ZNF385D: variants seen among roughly 807,000 people sequenced by gnomAD.
ZNF385D encodes the protein zinc finger protein 385D.
ZNF385D carries 15 observed loss-of-function variants against 35.8 expected under a neutral mutation model. That is an observed-to-expected ratio of 0.42 (90% confidence interval 0.28 to 0.64). The LOEUF (loss-of-function observed/expected upper bound fraction) is 0.64. Among genes scored for constraint, ZNF385D ranks in the 30% least tolerant of loss-of-function variants. ZNF385D has a pLI of 0.23. For missense variants in ZNF385D, 474 were observed against 494.6 expected, an observed-to-expected ratio of 0.96 and a Z score of 0.39; for synonymous variants, 212 against 186.8, an observed-to-expected ratio of 1.13 and a Z score of -1.10.
chr3:22,338,433 C>G (rs7609981), intron 2 of ZNF385D, among the ~76,000 whole-genome samples: 43,595 of 151,908 alleles, frequency 0.29, 6,490 homozygotes, highest in African/African-American at 0.34. Flanking sequence ...ACCTATGTAG[C>G]TGTAGATTGC....
At chr3:21,690,336 G>A (rs1461373496) in intron 1 of ZNF385D, among the ~76,000 whole-genome samples, 2 of 152,084 alleles carry the variant, frequency 1.3e-5, no homozygotes, top group Non-Finnish European at 2.9e-5. Flanking sequence ...AAGCTATCTG[G>A]AATGCATATG....
At chr3:21,804,607 G>C (rs2072552780) in intron 3 of ZNF385D, among the ~76,000 whole-genome samples, 1 of 152,118 alleles carries the variant, frequency 6.6e-6, no homozygotes, top group Non-Finnish European at 1.5e-5. Context: ...AGAAAACAAG[G>C]GTTTGAATCC....
chr3:22,012,583 AAAC>A (rs1397235751), intron 3 of ZNF385D, among the ~76,000 whole-genome samples: 1 of 149,204 alleles, frequency 6.7e-6, no homozygotes, highest in African/African-American at 2.4e-5. Context: ...ACTGATAATA[AAAC>A]AAGCATTCAA....
At chr3:22,182,514 G>A (rs1394746329) in intron 2 of ZNF385D, among the ~76,000 whole-genome samples, 1 of 151,596 alleles carries the variant, frequency 6.6e-6, no homozygotes, top group Admixed American at 6.6e-5. Context: ...CACATTGCAG[G>A]GATCCACAAA....
intron 2 of ZNF385D, among the ~76,000 whole-genome samples, chr3:22,339,854 TA>T (rs1255195267): frequency 1.3e-5 from 2 of 152,152 alleles, no homozygotes; most frequent in Non-Finnish European, 1.5e-5. Context: ...ACATCCGCTT[TA>T]AAAAACTCTT....
At chr3:21,996,655 C>T (rs1695485469) in intron 3 of ZNF385D, among the ~76,000 whole-genome samples, 2 of 152,164 alleles carry the variant, frequency 1.3e-5, no homozygotes, top group South Asian at 4.1e-4. Flanking sequence ...GTTGTTCAGA[C>T]TTCAACTTAC....
At chr3:22,036,000 T>C (rs996871597) in intron 3 of ZNF385D, among the ~76,000 whole-genome samples, 1 of 151,974 alleles carries the variant, frequency 6.6e-6, no homozygotes, top group African/African-American at 2.4e-5. Flanking sequence ...AGAGTCAAAA[T>C]AAGACTTATG....
At chr3:22,149,707 A>G (rs1398640245) in intron 3 of ZNF385D, among the ~76,000 whole-genome samples, 1 of 152,132 alleles carries the variant, frequency 6.6e-6, no homozygotes, top group Non-Finnish European at 1.5e-5. Context: ...AGTTAATCCT[A>G]GAAGTTCTGT....
Position 22,306,342 on chromosome 3 carries a change from C to CT in ZNF385D, c.106+66107dup, listed in dbSNP as rs891241935. Among the ~76,000 whole-genome samples, 530 of 148,760 alleles carry CT rather than the reference C, an allele frequency of 3.6e-3. 3 individuals are homozygous for CT. The highest frequency in any genetic ancestry group is 0.012 in the African/African-American group (470 of 40,582). ...TCTCTGTCTTGTGGTTAAAAAAAGT[C>CT]TTTTTTTTTTCTTTCCCAGACCCTG... is the stretch of plus-strand genomic sequence containing the variant. On this transcript the variant is annotated intron_variant, in intron 2 of 5. Coordinates refer to the ZNF385D transcript ENST00000494108.
intron 5 of ZNF385D, among the ~76,000 whole-genome samples, chr3:21,434,751 A>AT (rs1324312846): frequency 6.6e-6 from 1 of 152,158 alleles, no homozygotes; most frequent in Non-Finnish European, 1.5e-5. Flanking sequence ...TAAAATGAGC[A>AT]TTAGGCCAGG....
Position 22,123,986 on chromosome 3 carries a change from A to ATATATATATATATATATATATATATG in ZNF385D, c.325+44830_325+44831insCATATATATATATATATATATATATA, listed in dbSNP as rs753742081. On this transcript the variant is annotated intron_variant, in intron 3 of 5. Coordinates refer to the ZNF385D transcript ENST00000494108. ...TCTATATATATATATATATATATAT[A>ATATATATATATATATATATATATATG]TATTGCTGACTGAACTCATCCTGTT... Among the ~76,000 whole-genome samples, 7 of 122,370 alleles carry ATATATATATATATATATATATATATG rather than the reference A, an allele frequency of 5.7e-5. 1 individual carries two copies. The highest frequency in any genetic ancestry group is 1.2e-4 in the Non-Finnish European group (7 of 58,186). The allele number at this position is 122,370 out of a possible 152,430, so 80.3% of individuals were successfully genotyped here.
chr3:21,552,280 A>G (rs539401331), intron 3 of ZNF385D, among the ~76,000 whole-genome samples: 41 of 152,324 alleles, frequency 2.7e-4, no homozygotes, highest in African/African-American at 9.6e-4. Flanking sequence ...TTTCTTACAT[A>G]TGGATCAATT....
intron 2 of ZNF385D, among the ~76,000 whole-genome samples, chr3:22,245,261 A>G (rs1033986190): frequency 1.3e-5 from 2 of 152,116 alleles, no homozygotes; most frequent in Non-Finnish European, 2.9e-5. Context: ...GAGAGATGAG[A>G]CTACCACATT....
chr3:21,531,927 T>C (rs940955922), intron 3 of ZNF385D, among the ~76,000 whole-genome samples: 1 of 152,114 alleles, frequency 6.6e-6, no homozygotes, highest in African/African-American at 2.4e-5. Context: ...GTAAATCAAT[T>C]GAAACAAATG....
intron 3 of ZNF385D, among the ~76,000 whole-genome samples, chr3:21,965,297 A>G (rs1205771603): frequency 6.6e-6 from 1 of 152,230 alleles, no homozygotes; most frequent in African/African-American, 2.4e-5. Context: ...TGAATGCCAC[A>G]TATTGGTATG....
At chr3:21,816,233 A>G (rs908705499) in intron 3 of ZNF385D, among the ~76,000 whole-genome samples, 1 of 152,178 alleles carries the variant, frequency 6.6e-6, no homozygotes, top group East Asian at 1.9e-4. Context: ...ATACCGAATG[A>G]GCAAAAACTG....
chr3:22,290,651 T>C (rs1278019698), intron 2 of ZNF385D, among the ~76,000 whole-genome samples: 1 of 152,180 alleles, frequency 6.6e-6, no homozygotes, highest in Non-Finnish European at 1.5e-5. Context: ...AGATGTTTCT[T>C]GGTCTGGCTC....
At chr3:21,920,178 G>A (rs189928414) in intron 3 of ZNF385D, among the ~76,000 whole-genome samples, 4 of 152,108 alleles carry the variant, frequency 2.6e-5, no homozygotes, top group Admixed American at 2.6e-4. Context: ...GTACCATCTG[G>A]CCATTTAGAG....
intron 3 of ZNF385D, among the ~76,000 whole-genome samples, chr3:22,090,186 A>G (rs2620540): frequency 0.77 from 116,757 of 152,046 alleles, 45,769 homozygotes; most frequent in Non-Finnish European, 0.84. Flanking sequence ...AAATTGCTAC[A>G]AAATTTCTGC....
Sources: allele counts gnomAD v4.1 joint callset (sites outside exome capture counted in the v4.1 genomes callset), GRCh38; gene constraint gnomAD v4.1.1; transcripts MANE v1.5; gene names NCBI Gene and HGNC (gene_info 2026-07-23, HGNC 2026-07-21).